Variants in STRN observed in about 807,000 individuals in gnomAD.
STRN encodes the protein protein phosphatase 2 regulatory subunit B'''alpha.
Under a neutral mutation model 96.3 loss-of-function variants are expected in STRN, and 53 were observed. The observed-to-expected ratio is 0.55, with a 90% CI of 0.44 to 0.69. STRN has a LOEUF of 0.69. STRN is among the 30% of genes least tolerant of loss of function. The pLI is 0.00. For synonymous variants in STRN, 428 were observed against 355.9 expected, an observed-to-expected ratio of 1.20 and a Z score of -2.28; for missense variants, 987 against 963.9, an observed-to-expected ratio of 1.02 and a Z score of -0.32.
intron 6 of STRN, among the ~76,000 whole-genome samples, chr2:36,894,961 C>T (rs1397827843): frequency 1.3e-5 from 2 of 152,116 alleles, no homozygotes; most frequent in Non-Finnish European, 2.9e-5. Context: ...TCCAAGAAGC[C>T]ACTACCAACA....
intron 1 of STRN, among the ~76,000 whole-genome samples, chr2:36,935,190 C>T (rs1359776692): frequency 1.3e-5 from 2 of 152,180 alleles, no homozygotes; most frequent in Non-Finnish European, 2.9e-5. Flanking sequence ...TTATGCCCTT[C>T]TCTCTCCTAC....
intron 1 of STRN, among the ~76,000 whole-genome samples, chr2:36,930,374 G>C (rs1382976062): frequency 6.6e-6 from 1 of 151,722 alleles, no homozygotes. Flanking sequence ...GGAAGTTGCA[G>C]TGAGCCAAGA....
chr2:36,891,048 AC>A (rs1232856715), intron 7 of STRN, among the ~76,000 whole-genome samples: 1 of 152,114 alleles, frequency 6.6e-6, no homozygotes, highest in Non-Finnish European at 1.5e-5. Flanking sequence ...CTGGTTCAGC[AC>A]CCCCCAATCC....
chr2:36,890,001 T>C (rs1254345235), intron 7 of STRN, among the ~76,000 whole-genome samples: 2 of 152,210 alleles, frequency 1.3e-5, no homozygotes, highest in African/African-American at 4.8e-5. Context: ...CAAGGAACAG[T>C]GCAGCTGTCC....
chr2:36,840,988 A>G lies in STRN; in HGVS notation c.*8468T>C, dbSNP rs1203144439. On this transcript the variant is annotated 3_prime_UTR_variant, in exon 18 of 18. Transcript: ENST00000263918. ...GTGTATTTATTAGCAGAGGCAAGCT[A>G]TACTATCAATTGGACACCTCAAGGG... 6.6e-6 allele frequency: 1 copy of G among 152,190 alleles called. No individual in the cohort carries two copies. Among genetic ancestry groups the G allele is most frequent in the African/African-American group, 2.4e-5 (1 of 41,448 alleles). 9.4% of individuals were successfully genotyped at this position (152,190 alleles called of 1,614,324 possible).
In STRN at chr2:36,846,362, C is replaced by T. The variant is rs973961600; in HGVS notation, c.*3094G>A. The T allele has an allele frequency of 2.6e-5, 3 of 116,966 alleles. No homozygotes were observed. The highest frequency in any genetic ancestry group is 5.0e-5 in the Non-Finnish European group (3 of 59,966). The allele number at this position is 116,966 out of a possible 1,614,324, so 7.2% of individuals were successfully genotyped here. ...TATACTACCTCCAAAAATGAAAATA[C>T]AAAACAGTAAAATGCACCTATGGTT... On this transcript the variant is annotated 3_prime_UTR_variant, in exon 18 of 18. Coordinates refer to ENST00000263918, the MANE Select transcript of STRN (RefSeq NM_003162.4).
intron 7 of STRN, among the ~76,000 whole-genome samples, chr2:36,890,070 C>A (rs1486147816): frequency 6.6e-6 from 1 of 152,216 alleles, no homozygotes; most frequent in African/African-American, 2.4e-5. Context: ...AAATGACCAA[C>A]TATATCTATG....
intron 4 of STRN, among the ~76,000 whole-genome samples, chr2:36,905,081 T>C (rs1247127843): frequency 3.3e-5 from 5 of 151,836 alleles, no homozygotes; most frequent in Non-Finnish European, 2.9e-5. Flanking sequence ...GCAATTCTCC[T>C]GCCTCAGCCT....
At chr2:36,881,873 G>C (rs768842241) in intron 9 of STRN, among the ~76,000 whole-genome samples, 6 of 152,150 alleles carry the variant, frequency 3.9e-5, no homozygotes, top group Admixed American at 1.3e-4. Flanking sequence ...ATCTAGACCT[G>C]ATTTTGGGAT....
intron 12 of STRN, among the ~76,000 whole-genome samples, chr2:36,864,746 T>A (rs1228709075): frequency 6.6e-6 from 1 of 152,202 alleles, no homozygotes; most frequent in Non-Finnish European, 1.5e-5. Context: ...TTCATCACTC[T>A]TGTCGCCCAG....
intron 1 of STRN, among the ~76,000 whole-genome samples, chr2:36,949,412 TAAAAAG>T (rs1297935083): frequency 1.3e-5 from 2 of 151,152 alleles, no homozygotes; most frequent in South Asian, 2.1e-4. Context: ...AAATAAAAAA[TAAAAAG>T]AATGTGTTAA....
rs200667802 is a variant in STRN at position 36,908,519 on chromosome 2, G to A, written c.413-2901C>T. On this transcript the variant is annotated intron_variant, in intron 3 of 17. Coordinates refer to ENST00000263918, the MANE Select transcript of STRN (RefSeq NM_003162.4). Reference sequence around the variant, plus strand: ...TGGAAAACAGACTACTGGTTGCCAGGGGATTAGCGTACGGAGGGAGAGATT... The same window carrying A: ...TGGAAAACAGACTACTGGTTGCCAGAGGATTAGCGTACGGAGGGAGAGATT... Among the ~76,000 whole-genome samples the A allele has an allele frequency of 5.9e-5, 9 of 152,262 alleles. No individual in the cohort carries two copies. The East Asian group carries it at 1.3e-3, about 23-fold the overall frequency.
At chr2:36,939,431 C>G (rs1670790052) in intron 1 of STRN, among the ~76,000 whole-genome samples, 2 of 152,084 alleles carry the variant, frequency 1.3e-5, no homozygotes, top group Admixed American at 6.6e-5. Context: ...TTTCATATAC[C>G]TATCTTATTC....
intron 7 of STRN, among the ~76,000 whole-genome samples, chr2:36,892,767 T>C (rs1669433405): frequency 6.6e-6 from 1 of 152,168 alleles, no homozygotes; most frequent in African/African-American, 2.4e-5. Context: ...ATGCTTGATA[T>C]CCCAGCACCT....
In STRN at chr2:36,869,740, A is replaced by T; in HGVS notation, c.1324-11T>A. The T allele has an allele frequency of 6.4e-7, 1 of 1,563,122 alleles. No homozygotes were observed. The highest frequency in any genetic ancestry group is 8.7e-7 in the Non-Finnish European group (1 of 1,155,520). On this transcript the variant is annotated splice_polypyrimidine_tract_variant and intron_variant, in intron 10 of 17. Coordinates refer to ENST00000263918, the MANE Select transcript of STRN (RefSeq NM_003162.4). ...TTTATTGTTTGCTATCTATTAAAGA[A>T]ACAAAACAAAGATATCTACACACTT...
chr2:36,928,494 A>G (rs1459947986), intron 1 of STRN, among the ~76,000 whole-genome samples: 1 of 151,626 alleles, frequency 6.6e-6, no homozygotes, highest in African/African-American at 2.4e-5. Context: ...TCCACTAAAC[A>G]TACAAAAATT....
In STRN at chr2:36,916,136, C is replaced by T; in HGVS notation, c.354G>A (p.Lys118=). ...GATTCAATTCTGTCCCGTATTTCAA[C>T]TTGTGGTATTTGGCTCTAACAAAGA... ...ALKQERAKYH[K]LKYGTELNQG... The change falls in exon 3 of 18, where the codon AAG becomes AAA. Residue 118 remains lysine, a synonymous_variant. Transcript: ENST00000263918. 1 of 1,613,556 alleles carries T rather than the reference C, an allele frequency of 6.2e-7. No individual in the cohort carries two copies. The highest frequency in any genetic ancestry group is 8.5e-7 in the Non-Finnish European group (1 of 1,179,742).
intron 5 of STRN, among the ~76,000 whole-genome samples, 155 bp from the exon 6 acceptor site, chr2:36,899,813 A>G (rs1325102608): frequency 6.6e-6 from 1 of 152,206 alleles, no homozygotes; most frequent in East Asian, 1.9e-4. Context: ...ACTCTCACAA[A>G]TTTAAAAAGC....
chr2:36,848,643 C>A lies in STRN; in HGVS notation c.*813G>T, dbSNP rs1668141125. The A allele has an allele frequency of 6.6e-6, 1 of 152,092 alleles. No individual in the cohort carries two copies. The highest frequency in any genetic ancestry group is 1.5e-5 in the Non-Finnish European group (1 of 68,018). The allele number at this position is 152,092 out of a possible 1,614,324, so 9.4% of individuals were successfully genotyped here. On this transcript the variant is annotated 3_prime_UTR_variant, in exon 18 of 18. Transcript: ENST00000263918. ...AAATAGAAATTATTAAAGAGATATG[C>A]CCTGTTTACCCTTAAAAATAAACAG...
Sources: allele counts gnomAD v4.1 joint callset (sites outside exome capture counted in the v4.1 genomes callset), GRCh38; gene constraint gnomAD v4.1.1; transcripts MANE v1.5; gene names NCBI Gene and HGNC (gene_info 2026-07-23, HGNC 2026-07-21).